Variants in ITSN1 observed in about 807,000 individuals in gnomAD.
The protein encoded by ITSN1 is intersectin-1.
ITSN1 carries 58 observed loss-of-function variants against 239.8 expected under a neutral mutation model. That is an observed-to-expected ratio of 0.24 (90% CI 0.20 to 0.30). ITSN1 has a LOEUF of 0.30. Among genes scored for constraint, ITSN1 ranks in the 10% least tolerant of loss-of-function variants. The pLI is 1.00. For synonymous variants in ITSN1, 780 were observed against 770.8 expected (o/e 1.01, Z -0.20); for missense variants, 1,558 against 2,103.3 (o/e 0.74, Z 5.07).
intron 32 of ITSN1, among the ~76,000 whole-genome samples, chr21:33,866,362 A>G (rs1272379172): frequency 6.6e-6 from 1 of 152,214 alleles, no homozygotes; most frequent in Non-Finnish European, 1.5e-5. Flanking sequence ...GGCGCCATGG[A>G]CCACCTAGGG....
rs148232712 is a variant in ITSN1 at position 33,706,709 on chromosome 21, C to T, written c.-32-12088C>T. Among the ~76,000 whole-genome samples the T allele has an allele frequency of 4.1e-3, 627 of 152,250 alleles. 4 individuals are homozygous for T. The highest frequency in any genetic ancestry group is 0.015 in the African/African-American group (608 of 41,552). On this transcript the variant is annotated intron_variant, in intron 1 of 39. Coordinates refer to ENST00000381318, the MANE Select transcript of ITSN1 (RefSeq NM_003024.3). ...ACTTGCTCAGAAGCCTTACAGTCCA[C>T]ACCATTTGTTCTATCCTTTCAATTC...
chr21:33,695,341 T>G (rs756761933), intron 1 of ITSN1, among the ~76,000 whole-genome samples: 1 of 152,228 alleles, frequency 6.6e-6, no homozygotes, highest in Non-Finnish European at 1.5e-5. Context: ...CAAATAAAAT[T>G]GACAAAAACT....
chr21:33,878,728 T>A (rs1984419297), intron 34 of ITSN1, among the ~76,000 whole-genome samples: 1 of 152,242 alleles, frequency 6.6e-6, no homozygotes, highest in Non-Finnish European at 1.5e-5. Flanking sequence ...TTTGGGATTT[T>A]GTGTTGCTCT....
At chr21:33,673,615 G>A (rs935976801) in intron 1 of ITSN1, among the ~76,000 whole-genome samples, 1 of 151,142 alleles carries the variant, frequency 6.6e-6, no homozygotes, top group African/African-American at 2.5e-5. Flanking sequence ...TCTGTAACAC[G>A]TATTAGAGAA....
chr21:33,671,887 CT>C lies in ITSN1; in HGVS notation c.-33+29180del, dbSNP rs368932064. On this transcript the variant is annotated intron_variant, in intron 1 of 39. Coordinates refer to ENST00000381318, the MANE Select transcript of ITSN1 (RefSeq NM_003024.3). ...TATTTTGTTGTATATCCATCTTGTC[CT>C]TTTTTGTACATTTGTAGTTTTTTTC... Among the ~76,000 whole-genome samples the C allele has an allele frequency of 3.2e-3, 484 of 152,288 alleles. 1 individual carries two copies. Among genetic ancestry groups the C allele is most frequent in the Non-Finnish European group, 4.5e-3 (309 of 68,022 alleles).
rs1000363447 is a variant in ITSN1, at chr21:33,797,858, T to A, written c.2182+250T>A. On this transcript the variant is annotated intron_variant, in intron 18 of 39. Transcript: ENST00000381318. The surrounding 1 kb of genome is among the most constrained non-coding windows in gnomAD (Gnocchi z 4.9). ...ACGAGTCCTCTACGGAGCTAACAAG[T>A]GGCGTGAAGTTCCAGTGGTCTTATA... is the stretch of plus-strand genomic sequence containing the variant. 3.3e-5 allele frequency among the ~76,000 whole-genome samples: 5 copies of A among 152,086 alleles called. No homozygotes were observed. The highest frequency in any genetic ancestry group is 1.2e-4 in the African/African-American group (5 of 41,410).
At chr21:33,676,626 A>G (rs2090610232) in intron 1 of ITSN1, among the ~76,000 whole-genome samples, 1 of 152,212 alleles carries the variant, frequency 6.6e-6, no homozygotes, top group African/African-American at 2.4e-5. Flanking sequence ...GTGTGGCCAA[A>G]TGTAATTTAC....
intron 1 of ITSN1, among the ~76,000 whole-genome samples, chr21:33,657,907 G>C (rs1304888961): frequency 6.6e-6 from 1 of 152,090 alleles, no homozygotes; most frequent in South Asian, 2.1e-4. Context: ...GATTGCTTGA[G>C]CCCAGGAATT....
intron 11 of ITSN1, among the ~76,000 whole-genome samples, chr21:33,770,364 G>A (rs1489490762): frequency 2.8e-4 from 42 of 152,076 alleles, no homozygotes; most frequent in Admixed American, 2.6e-3. Flanking sequence ...TGCCTGGCCA[G>A]CTAATCTAAT....
At chr21:33,875,613 C>G (rs922336185) in intron 34 of ITSN1, 92 bp downstream of exon 34, 22 of 1,216,348 alleles carry the variant, frequency 1.8e-5, no homozygotes, top group Non-Finnish European at 2.5e-5. Context: ...AACCATTCTC[C>G]TCCCCAGCCG....
intron 4 of ITSN1, among the ~76,000 whole-genome samples, chr21:33,730,628 C>T (rs574259886): frequency 6.6e-6 from 1 of 151,884 alleles, no homozygotes; most frequent in Non-Finnish European, 1.5e-5. Context: ...TCTTGAACTC[C>T]TGACCTCATG....
intron 1 of ITSN1, among the ~76,000 whole-genome samples, chr21:33,704,017 T>G (rs115141203): frequency 6.5e-4 from 99 of 152,302 alleles, no homozygotes; most frequent in African/African-American, 2.2e-3. Flanking sequence ...CCTTTCCTTT[T>G]CTCTAGGTAT....
At chr21:33,679,977 C>A (rs562612362) in intron 1 of ITSN1, among the ~76,000 whole-genome samples, 1 of 152,260 alleles carries the variant, frequency 6.6e-6, no homozygotes, top group Admixed American at 6.5e-5. Context: ...GGATTACAGG[C>A]GTGAGACACC....
intron 1 of ITSN1, among the ~76,000 whole-genome samples, chr21:33,649,981 A>G (rs769095000): frequency 6.6e-6 from 1 of 151,200 alleles, no homozygotes; most frequent in African/African-American, 2.4e-5. Flanking sequence ...GTGAGCTGAC[A>G]TCGCACCATT....
At chr21:33,650,030 G>GAAAAAA (rs1165691619) in intron 1 of ITSN1, among the ~76,000 whole-genome samples, 2 of 89,986 alleles carry the variant, frequency 2.2e-5, no homozygotes, top group African/African-American at 4.0e-5. Context: ...CTCTGTCTCA[G>GAAAAAA]AAAAAAAAAA....
At position 33,696,113 on chromosome 21, in the gene ITSN1, A is replaced by C. The variant is rs114233231; in HGVS notation, c.-32-22684A>C. 3.6e-3 allele frequency among the ~76,000 whole-genome samples: 548 copies of C among 152,298 alleles called. 2 individuals are homozygous for C. The highest frequency in any genetic ancestry group is 0.013 in the African/African-American group (520 of 41,556). On this transcript the variant is annotated intron_variant, in intron 1 of 39. Transcript: ENST00000381318. ...TAGCAGAGCGCAGTTGGTTTTTGTT[A>C]ATGACTGCATTGTCCTTTGCTCTCA...
intron 1 of ITSN1, among the ~76,000 whole-genome samples, chr21:33,682,881 A>G (rs1568928907): frequency 6.6e-6 from 1 of 151,830 alleles, no homozygotes; most frequent in Non-Finnish European, 1.5e-5. Flanking sequence ...TTAGTTTTGT[A>G]CTTTTAGTAG....
chr21:33,797,446 A>G lies in ITSN1; in HGVS notation c.2020A>G (p.Arg674Gly), dbSNP rs747091824. ...GCAGGAGGACGAGCATCAGAGACCA[A>G]GAAAACTCCACGAAGAGGAAAAACT... ...VQQEDEHQRP[R>G]KLHEEEKLKR... The change falls in exon 18 of 40, where the codon AGA (arginine) becomes GGA (glycine). Residue 674 changes from arginine (R) to glycine (G), a missense_variant. Arg to Gly is a moderately radical substitution (Grantham distance 125). Coordinates refer to ENST00000381318, the MANE Select transcript of ITSN1 (RefSeq NM_003024.3). This position sits in a 1 kb window ranked among gnomAD's most constrained non-coding sequence, Gnocchi z 4.9. The G allele has an allele frequency of 2.5e-6, 4 of 1,614,046 alleles. No homozygotes were observed. The highest frequency in any genetic ancestry group is 1.3e-5 in the African/African-American group (1 of 74,912).
At chr21:33,850,883 C>T (rs565856558) in intron 29 of ITSN1, among the ~76,000 whole-genome samples, 11 of 152,256 alleles carry the variant, frequency 7.2e-5, no homozygotes, top group African/African-American at 1.9e-4. Flanking sequence ...TGCATGGGCT[C>T]ACCTGGCAGG....
Sources: allele counts gnomAD v4.1 joint callset (sites outside exome capture counted in the v4.1 genomes callset), GRCh38; gene constraint gnomAD v4.1.1; non-coding constraint Gnocchi (gnomAD v3.1); transcripts MANE v1.5; gene names NCBI Gene and HGNC (gene_info 2026-07-23, HGNC 2026-07-21).